The following FCER2 variants were observed in gnomAD, a reference collection of about 807,000 sequenced individuals.
FCER2 encodes low affinity immunoglobulin epsilon Fc receptor.
Under a neutral mutation model 49.7 loss-of-function variants are expected in FCER2, and 38 were observed. That is an observed-to-expected ratio of 0.76 (90% CI 0.59 to 1.00). The LOEUF (loss-of-function observed/expected upper bound fraction) is 1.00. Ranked by LOEUF, FCER2 falls within the 50% of genes least tolerant of loss-of-function variation. The pLI is 0.00. For synonymous variants in FCER2, 163 were observed against 164.6 expected, an observed-to-expected ratio of 0.99 and a Z score of 0.07; for missense variants, 425 against 419.5, an observed-to-expected ratio of 1.01 and a Z score of -0.11.
chr19:7,689,613 G>C (rs750708633), intron 10 of FCER2, among the ~76,000 whole-genome samples, 183 bp from the exon 11 acceptor site: 1 of 151,772 alleles, frequency 6.6e-6, no homozygotes, highest in East Asian at 1.9e-4. Context: ...TTATTTATTT[G>C]TTTGTTTGTT....
chr19:7,694,711 C>G (rs749566721), intron 8 of FCER2, among the ~76,000 whole-genome samples: 10 of 152,194 alleles, frequency 6.6e-5, no homozygotes, highest in Non-Finnish European at 1.5e-4. Flanking sequence ...AGCACAGAAA[C>G]TTCCTCTTCT....
chr19:7,694,910 C>T (rs1187547538), intron 8 of FCER2, among the ~76,000 whole-genome samples: 2 of 152,106 alleles, frequency 1.3e-5, no homozygotes, highest in African/African-American at 2.4e-5. Flanking sequence ...TCCTAGCTCA[C>T]CGCAGCCTCA....
rs936188137 is a variant in FCER2 at position 7,697,370 on chromosome 19, T to C, written c.254-72A>G. ...TCCCCCATCTACCCCCACCCATCCC[T>C]TGGTCTCTTTGCCTGGGTTCTTGGA... On this transcript the variant is annotated intron_variant, in intron 5 of 10. Transcript: ENST00000597921. 6.5e-6 allele frequency: 10 copies of C among 1,549,124 alleles called. No homozygotes were observed. In the East Asian group the frequency reaches 9.0e-5, roughly 14 times the overall value.
chr19:7,699,203 G>A (rs969216217), intron 2 of FCER2, among the ~76,000 whole-genome samples: 1 of 151,732 alleles, frequency 6.6e-6, no homozygotes, highest in African/African-American at 2.4e-5. Context: ...CCCCAACCTG[G>A]AGTCCCTTCC....
At chr19:7,701,553 C>T (rs1322334105) in intron 1 of FCER2, among the ~76,000 whole-genome samples, 2 of 152,116 alleles carry the variant, frequency 1.3e-5, no homozygotes, top group Admixed American at 6.6e-5. Flanking sequence ...AGTCATTTGT[C>T]CCCATCACGC....
intron 10 of FCER2, 84 bp from the exon 11 acceptor site, chr19:7,689,514 T>G (rs2032800489): frequency 1.2e-6 from 1 of 823,170 alleles, no homozygotes; most frequent in Non-Finnish European, 1.9e-6. Flanking sequence ...GCACCCTCCC[T>G]TCTCACCCCA....
At position 7,696,763 on chromosome 19, in the gene FCER2, C is replaced by T. The variant is rs904754027; in HGVS notation, c.469+62G>A. 11 of 1,276,534 alleles carry T rather than the reference C, an allele frequency of 8.6e-6. No homozygotes were observed. In the African/African-American group the frequency reaches 1.6e-4, roughly 19 times the overall value. The allele number at this position is 1,276,534 out of a possible 1,614,324, so 79.1% of individuals were successfully genotyped here. On this transcript the variant is annotated intron_variant, in intron 8 of 10. Transcript: ENST00000597921. ...TCACACGTGCGTGCCGTCACATTTG[C>T]CAACACGCCCGAGCCCCAGGTGAGG...
Position 7,689,106 on chromosome 19 carries a change from TCA to T in FCER2, c.*85_*86del. ...GCCTCCGTTTGGGTGGCAGAAAATG[TCA>T]CAGGGACCTTTCAGCCACAAAGAGG... On this transcript the variant is annotated 3_prime_UTR_variant, in exon 11 of 11. Transcript: ENST00000597921. 1 of 929,040 alleles carries T rather than the reference TCA, an allele frequency of 1.1e-6. No homozygotes were observed. Among genetic ancestry groups the T allele is most frequent in the South Asian group, 1.5e-5 (1 of 64,698 alleles). The allele number at this position is 929,040 out of a possible 1,614,324, so 57.5% of individuals were successfully genotyped here.
intron 4 of FCER2, among the ~76,000 whole-genome samples, chr19:7,697,953 C>T (rs890461603): frequency 6.6e-6 from 1 of 152,118 alleles, no homozygotes; most frequent in African/African-American, 2.4e-5. Context: ...AGGCTGCCAA[C>T]TTACAATGGC....
At chr19:7,700,295 C>T (rs1427887776) in intron 1 of FCER2, among the ~76,000 whole-genome samples, 2 of 152,134 alleles carry the variant, frequency 1.3e-5, no homozygotes, top group East Asian at 3.9e-4. Context: ...GATGACAGCA[C>T]CCAACTCATG....
At chr19:7,698,495 A>G (rs1465572615) in intron 3 of FCER2, 86 bp from the exon 4 acceptor site, 1 of 1,140,806 alleles carries the variant, frequency 8.8e-7, no homozygotes, top group East Asian at 2.4e-5. Flanking sequence ...CTGGGGATGG[A>G]GGTCTTGGGT....
intron 2 of FCER2, chr19:7,699,315 C>A: frequency 9.4e-7 from 1 of 1,058,648 alleles, no homozygotes; most frequent in South Asian, 1.3e-5. Flanking sequence ...AAACCTCTCC[C>A]AGACCCCACC....
chr19:7,700,495 A>G (rs2033129156), intron 1 of FCER2, among the ~76,000 whole-genome samples: 1 of 141,156 alleles, frequency 7.1e-6, no homozygotes, highest in Non-Finnish European at 1.6e-5. Context: ...GGCATCTGTA[A>G]AGTGCTCTGA....
In FCER2 at chr19:7,696,075, G is replaced by A. The variant is rs907033523; in HGVS notation, c.469+750C>T. On this transcript the variant is annotated intron_variant, in intron 8 of 10. Coordinates refer to ENST00000597921, the MANE Select transcript of FCER2 (RefSeq NM_001220500.2). Reference sequence around the variant, plus strand: ...CAGCCTCCCAAGTAGCTAGGATTACGTATGCCCGCCACCACACCCGGTTAA... The same window carrying A: ...CAGCCTCCCAAGTAGCTAGGATTACATATGCCCGCCACCACACCCGGTTAA... Among the ~76,000 whole-genome samples the A allele has an allele frequency of 5.3e-5, 8 of 151,418 alleles. No individual in the cohort carries two copies. The South Asian group carries it at 6.3e-4, about 12-fold the overall frequency.
chr19:7,689,861 C>T (rs927861867), intron 10 of FCER2, among the ~76,000 whole-genome samples: 1 of 151,998 alleles, frequency 6.6e-6, no homozygotes, highest in African/African-American at 2.4e-5. Flanking sequence ...GGTGATCCAC[C>T]CACCTCGGCC....
chr19:7,694,668 T>C (rs1212604706), intron 8 of FCER2, among the ~76,000 whole-genome samples: 2 of 152,114 alleles, frequency 1.3e-5, no homozygotes, highest in Non-Finnish European at 2.9e-5. Flanking sequence ...CAAAGCCACT[T>C]CACATCCCAG....
In FCER2 at chr19:7,690,144, A is replaced by G. The variant is rs1194726442; in HGVS notation, c.728+15T>C. On this transcript the variant is annotated intron_variant, in intron 10 of 10. Transcript: ENST00000597921. The stretch of plus-strand genomic sequence containing the variant: ...TTCCATCTCCTCCCCTGGATCCCAG[A>G]GGCCCCCTCCTCACCTGTAGTCCAC... 6 of 1,515,286 alleles carry G rather than the reference A, an allele frequency of 4.0e-6. No individual in the cohort carries two copies. The African/African-American group carries it at 5.5e-5, about 14-fold the overall frequency. The allele number at this position is 1,515,286 out of a possible 1,614,324, so 93.9% of individuals were successfully genotyped here. A position where few individuals can be genotyped will look rare whatever the true frequency, so the allele number is the denominator to read the frequency against.
chr19:7,690,481 C>T lies in FCER2; in HGVS notation c.546G>A (p.Lys182=). The T allele has an allele frequency of 1.2e-6, 2 of 1,614,166 alleles. No individual in the cohort carries two copies. Among genetic ancestry groups the T allele is most frequent in the South Asian group, 1.1e-5 (1 of 91,084 alleles). Residue 182 remains lysine, a synonymous_variant, in exon 9 of 11, where the codon AAG becomes AAA. Coordinates refer to ENST00000597921, the MANE Select transcript of FCER2 (RefSeq NM_001220500.2). ...AGGCATACCGGGCGTGGACCCACTG[C>T]TTGGTGCCCTTGCCGAAGTAGTAGC... ...RKCYYFGKGT[K]QWVHARYACD...
intron 8 of FCER2, among the ~76,000 whole-genome samples, chr19:7,695,080 C>T (rs1430366240): frequency 2.6e-5 from 4 of 152,180 alleles, no homozygotes; most frequent in Admixed American, 2.6e-4. Flanking sequence ...AAGTGATCCT[C>T]CTGCCTCGGC....
Sources: allele counts gnomAD v4.1 joint callset (sites outside exome capture counted in the v4.1 genomes callset), GRCh38; gene constraint gnomAD v4.1.1; transcripts MANE v1.5; gene names NCBI Gene and HGNC (gene_info 2026-07-23, HGNC 2026-07-21).